Variants in AKAP10 observed in about 807,000 individuals in gnomAD.
AKAP10 encodes A-kinase anchor protein 10, mitochondrial.
AKAP10 carries 24 observed loss-of-function variants against 80.8 expected under a neutral mutation model. The observed-to-expected ratio is 0.30, with a 90% CI of 0.22 to 0.42. The LOEUF (loss-of-function observed/expected upper bound fraction) is 0.42. Ranked by LOEUF, AKAP10 falls within the 10% of genes least tolerant of loss-of-function variation. The pLI is 1.00. For synonymous variants in AKAP10, 291 were observed against 277.7 expected (o/e 1.05, Z -0.48); for missense variants, 661 against 794.9 (o/e 0.83, Z 2.03).
At position 19,977,787 on chromosome 17, in the gene AKAP10, G is replaced by A; in HGVS notation, c.-108C>T. ...ACCGCCTCCTCGGGATGCCCAGGCA[G>A]CTCCAGCCGCCATATTATCAACAAG... On this transcript the variant is annotated 5_prime_UTR_variant, in exon 1 of 15. Coordinates refer to ENST00000225737, the MANE Select transcript of AKAP10 (RefSeq NM_007202.4). 1 of 607,844 alleles carries A rather than the reference G, an allele frequency of 1.6e-6. No homozygotes were observed. The highest frequency in any genetic ancestry group is 2.4e-6 in the Non-Finnish European group (1 of 416,846). The allele number at this position is 607,844 out of a possible 1,614,324, so 37.7% of individuals were successfully genotyped here. A position where few individuals can be genotyped will look rare whatever the true frequency, so the allele number is the denominator to read the frequency against.
intron 5 of AKAP10, among the ~76,000 whole-genome samples, chr17:19,943,218 A>G (rs1248582211): frequency 3.9e-5 from 6 of 152,180 alleles, no homozygotes; most frequent in Admixed American, 3.9e-4. Flanking sequence ...TACAGCGCCT[A>G]AAATTCATGG....
chr17:19,931,863 C>A lies in AKAP10; in HGVS notation c.1583G>T (p.Gly528Val). 1 of 1,614,104 alleles carries A rather than the reference C, an allele frequency of 6.2e-7. No homozygotes were observed. The highest frequency in any genetic ancestry group is 1.1e-5 in the South Asian group (1 of 91,080). ...AGACTCATCAGGAGGGCCAACAGAG[C>A]CAGGAGCAGTCAGCGACACGTTCCC... ...LGGNVSLTAP[G>V]SVGPPDESHP... The change falls in exon 10 of 15, where the codon GGC becomes GTC. Residue 528 changes from glycine (G) to valine (V), a missense_variant. Physicochemically the swap from Gly to Val is moderately radical, Grantham distance 109. Coordinates refer to ENST00000225737, the MANE Select transcript of AKAP10 (RefSeq NM_007202.4).
At chr17:19,963,285 G>A (rs12943369) in intron 2 of AKAP10, among the ~76,000 whole-genome samples, 41,135 of 145,928 alleles carry the variant, frequency 0.28, 6,224 homozygotes, top group African/African-American at 0.38. Flanking sequence ...GCATGACCTC[G>A]GCTCACTGCA....
At chr17:19,907,703 C>T (rs1347608421) in intron 14 of AKAP10, among the ~76,000 whole-genome samples, 1 of 151,878 alleles carries the variant, frequency 6.6e-6, no homozygotes, top group African/African-American at 2.4e-5. Flanking sequence ...CTGCACCTGG[C>T]CACTTGAACA....
At chr17:19,961,360 A>G (rs1030446329) in intron 3 of AKAP10, among the ~76,000 whole-genome samples, 1 of 151,916 alleles carries the variant, frequency 6.6e-6, no homozygotes, top group Non-Finnish European at 1.5e-5. Flanking sequence ...TCAAAAAGAA[A>G]AAAAAAAAGA....
chr17:19,942,856 C>T (rs1187271964), intron 5 of AKAP10, among the ~76,000 whole-genome samples: 1 of 151,722 alleles, frequency 6.6e-6, no homozygotes, highest in African/African-American at 2.4e-5. Context: ...CAATACAAAT[C>T]TGTGATACTG....
intron 5 of AKAP10, among the ~76,000 whole-genome samples, chr17:19,946,240 T>TA (rs1567765538): frequency 0.011 from 166 of 14,582 alleles, 7 homozygotes; most frequent in African/African-American, 0.055. Context: ...ATATATATTA[T>TA]ATATATATAT....
chr17:19,917,005 C>T (rs1246964849), intron 12 of AKAP10, among the ~76,000 whole-genome samples: 1 of 151,882 alleles, frequency 6.6e-6, no homozygotes, highest in Admixed American at 6.6e-5. Context: ...TGGCTCACGC[C>T]TGTAACTCCA....
At chr17:19,965,536 A>C (rs2043405791) in intron 2 of AKAP10, among the ~76,000 whole-genome samples, 1 of 152,152 alleles carries the variant, frequency 6.6e-6, no homozygotes, top group Non-Finnish European at 1.5e-5. Flanking sequence ...TTTCTGTAAA[A>C]ATCTCCCTCT....
At position 19,906,287 on chromosome 17, in the gene AKAP10, T is replaced by C. The variant is rs2042631198; in HGVS notation, c.1984-55A>G. On this transcript the variant is annotated intron_variant, in intron 14 of 14. Coordinates refer to ENST00000225737, the MANE Select transcript of AKAP10 (RefSeq NM_007202.4). ...AGGTGCATTTCTCTAACAAGTGACC[T>C]ATTATTACAAATTAAGGATGGACAC... The C allele has an allele frequency of 5.1e-6, 8 of 1,572,588 alleles. No homozygotes were observed. In the East Asian group the frequency reaches 1.8e-4, roughly 35 times the overall value.
chr17:19,957,945 A>C, intron 4 of AKAP10, 69 bp downstream of exon 4: 1 of 1,422,992 alleles, frequency 7.0e-7, no homozygotes, highest in Non-Finnish European at 9.5e-7. Context: ...CCTCATCTGA[A>C]GTTCTGCTTA....
At chr17:19,910,124 TCAAGACCAGCCTGGCCAACATGG>T in intron 12 of AKAP10, 146 bp from the exon 13 acceptor site, 1 of 668,990 alleles carries the variant, frequency 1.5e-6, no homozygotes, top group Non-Finnish European at 2.5e-6. Flanking sequence ...GGTTAAGAGT[TCAAGACCAGCCTGGCCAACATGG>T]TGAAACCTGT....
In AKAP10 at chr17:19,977,793, G is replaced by A. The variant is rs1597541101; in HGVS notation, c.-114C>T. On this transcript the variant is annotated 5_prime_UTR_variant, in exon 1 of 15. Transcript: ENST00000225737. Reference sequence around the variant, plus strand: ...TCCTCGGGATGCCCAGGCAGCTCCAGCCGCCATATTATCAACAAGCCGCCC... The same window carrying A: ...TCCTCGGGATGCCCAGGCAGCTCCAACCGCCATATTATCAACAAGCCGCCC... The A allele has an allele frequency of 1.7e-6, 1 of 577,588 alleles. No homozygotes were observed. The highest frequency in any genetic ancestry group is 2.6e-6 in the Non-Finnish European group (1 of 389,040). 35.8% of individuals were successfully genotyped at this position (577,588 alleles called of 1,614,324 possible). A position where few individuals can be genotyped will look rare whatever the true frequency, so the allele number is the denominator to read the frequency against.
chr17:19,977,203 T>C (rs1428516266), intron 1 of AKAP10, among the ~76,000 whole-genome samples: 1 of 152,160 alleles, frequency 6.6e-6, no homozygotes, highest in Non-Finnish European at 1.5e-5. Flanking sequence ...CTTTTAGACA[T>C]AAAACCCTCA....
rs1555576558 is a variant in AKAP10 at position 19,946,205 on chromosome 17, T to TTATA, written c.976+1198_976+1201dup. Reference sequence around the variant, plus strand: ...ATGCATATATACTAATACATATATTTTATATATATATATATTTTATATATA... The same window carrying TTATA: ...ATGCATATATACTAATACATATATTTTATATATATATATATATATTTTATATATA... On this transcript the variant is annotated intron_variant, in intron 5 of 14. Coordinates refer to ENST00000225737, the MANE Select transcript of AKAP10 (RefSeq NM_007202.4). Among the ~76,000 whole-genome samples the TTATA allele has an allele frequency of 4.4e-3, 201 of 46,004 alleles. 2 individuals carry two copies. The highest frequency in any genetic ancestry group is 0.015 in the African/African-American group (181 of 11,802). The allele number at this position is 46,004 out of a possible 152,430, so 30.2% of individuals were successfully genotyped here. A position where few individuals can be genotyped will look rare whatever the true frequency, so the allele number is the denominator to read the frequency against.
chr17:19,966,800 C>G (rs1456640978), intron 2 of AKAP10, among the ~76,000 whole-genome samples: 1 of 152,058 alleles, frequency 6.6e-6, no homozygotes. Flanking sequence ...GTTCTCACTG[C>G]CTGAAACATC....
intron 12 of AKAP10, among the ~76,000 whole-genome samples, chr17:19,910,365 A>G (rs2042677271): frequency 1.3e-5 from 2 of 150,160 alleles, no homozygotes; most frequent in Admixed American, 6.7e-5. Flanking sequence ...CCACCACCAC[A>G]ATGCTCTTAT....
In AKAP10 at chr17:19,938,753, C is replaced by T. The variant is rs1308667934; in HGVS notation, c.1322+960G>A. Among the ~76,000 whole-genome samples, 3 of 147,630 alleles carry T rather than the reference C, an allele frequency of 2.0e-5. No homozygotes were observed. The East Asian group carries it at 5.9e-4, about 29-fold the overall frequency. On this transcript the variant is annotated intron_variant, in intron 8 of 14. Coordinates refer to ENST00000225737, the MANE Select transcript of AKAP10 (RefSeq NM_007202.4). ...TTGTTGTTTTTTTTTTTTTTGGAGACAGGGTCTCACTCTACTGCCCTGCCC... is the reference window on the plus strand; with the variant it reads ...TTGTTGTTTTTTTTTTTTTTGGAGATAGGGTCTCACTCTACTGCCCTGCCC...
At chr17:19,955,217 G>T (rs911800140) in intron 4 of AKAP10, among the ~76,000 whole-genome samples, 1 of 150,780 alleles carries the variant, frequency 6.6e-6, no homozygotes, top group Non-Finnish European at 1.5e-5. Flanking sequence ...GCAAGACGCT[G>T]TCTCAAAAAA....
Sources: allele counts gnomAD v4.1 joint callset (sites outside exome capture counted in the v4.1 genomes callset), GRCh38; gene constraint gnomAD v4.1.1; transcripts MANE v1.5; gene names NCBI Gene and HGNC (gene_info 2026-07-23, HGNC 2026-07-21).